SH3BGR: variants seen among roughly 807,000 people sequenced by gnomAD.
SH3BGR encodes the protein SH3 domain binding glutamate rich protein, also known as SH3 domain-binding glutamic acid-rich protein.
A neutral mutation model predicts 24.5 loss-of-function variants in SH3BGR; 29 were observed. The observed-to-expected ratio is 1.18, with a 90% CI of 0.88 to 1.61. The LOEUF is 1.61. Ranked by LOEUF, SH3BGR falls within the 40% of genes most tolerant of loss-of-function variation. SH3BGR has a pLI of 0.00. For missense variants in SH3BGR, 162 were observed against 205.8 expected (o/e 0.79, Z 1.30); for synonymous variants, 55 against 65.7 (o/e 0.84, Z 0.79).
intron 2 of SH3BGR, among the ~76,000 whole-genome samples, chr21:39,467,493 A>G (rs1264898161): frequency 6.6e-6 from 1 of 152,202 alleles, no homozygotes; most frequent in African/African-American, 2.4e-5. Flanking sequence ...CACACTTACA[A>G]AAGTATATTC....
At chr21:39,470,228 TA>T (rs2123360157) in intron 2 of SH3BGR, among the ~76,000 whole-genome samples, 1 of 152,234 alleles carries the variant, frequency 6.6e-6, no homozygotes, top group South Asian at 2.1e-4. Flanking sequence ...TTAAATTAGT[TA>T]AAGATAATCA....
At chr21:39,471,742 A>G (rs1363212397) in intron 2 of SH3BGR, among the ~76,000 whole-genome samples, 1 of 152,128 alleles carries the variant, frequency 6.6e-6, no homozygotes, top group Admixed American at 6.6e-5. Context: ...GATTATAGGC[A>G]TGAGCCACCA....
rs538506872 is a variant in SH3BGR, at chr21:39,492,211, G to A, written c.313-7612G>A. On this transcript the variant is annotated intron_variant, in intron 3 of 6. Coordinates refer to ENST00000333634, the MANE Select transcript of SH3BGR (RefSeq NM_007341.3). The stretch of plus-strand genomic sequence containing the variant: ...CAGTGTACACTGCACCCTATTTGTC[G>A]TCTTTTATCCTTCACCCCCTTCCCA... Among the ~76,000 whole-genome samples the A allele has an allele frequency of 2.7e-4, 41 of 152,054 alleles. No homozygotes were observed. The South Asian group carries it at 4.6e-3, about 17-fold the overall frequency.
At chr21:39,509,417 G>A (rs1299717307) in intron 5 of SH3BGR, among the ~76,000 whole-genome samples, 1 of 151,556 alleles carries the variant, frequency 6.6e-6, no homozygotes, top group Admixed American at 6.6e-5. Flanking sequence ...CATTGAGGGA[G>A]GGATTCCACC....
chr21:39,490,169 G>A (rs1003604499), intron 3 of SH3BGR, among the ~76,000 whole-genome samples: 3 of 152,216 alleles, frequency 2.0e-5, no homozygotes, highest in Non-Finnish European at 2.9e-5. Context: ...TAGTGAGATA[G>A]AGAAGCATTT....
chr21:39,448,339 T>TA (rs2077534728), upstream of SH3BGR, among the ~76,000 whole-genome samples: 1 of 150,904 alleles, frequency 6.6e-6, no homozygotes, highest in Admixed American at 6.6e-5. Flanking sequence ...AGACGTGTCT[T>TA]TATTTGTCAT....
intron 4 of SH3BGR, 144 bp downstream of exon 4, chr21:39,500,059 T>C (rs1248076985): frequency 1.6e-6 from 1 of 634,230 alleles, no homozygotes; most frequent in East Asian, 2.8e-5. Flanking sequence ...AAGCAAGTAA[T>C]TTCTACTGAT....
At chr21:39,455,994 G>A (rs377286161) in intron 1 of SH3BGR, among the ~76,000 whole-genome samples, 1 of 152,168 alleles carries the variant, frequency 6.6e-6, no homozygotes. Flanking sequence ...AAGCTTAATC[G>A]CAAGCATGGT....
intron 2 of SH3BGR, among the ~76,000 whole-genome samples, chr21:39,474,168 A>G (rs1014044894): frequency 5.3e-5 from 8 of 152,044 alleles, no homozygotes; most frequent in African/African-American, 1.2e-4. Flanking sequence ...GGGTCTCACC[A>G]TGTTGCCCAG....
chr21:39,485,153 A>G (rs919085472), intron 3 of SH3BGR, among the ~76,000 whole-genome samples: 4 of 152,242 alleles, frequency 2.6e-5, no homozygotes, highest in African/African-American at 9.6e-5. Flanking sequence ...GCATGTGGTC[A>G]TATCTGATTA....
chr21:39,473,727 A>G (rs944863756), intron 2 of SH3BGR, among the ~76,000 whole-genome samples: 1 of 151,998 alleles, frequency 6.6e-6, no homozygotes, highest in Non-Finnish European at 1.5e-5. Context: ...TCTACTAAAA[A>G]TACAAAAATT....
At chr21:39,488,708 C>T (rs972095044) in intron 3 of SH3BGR, 7 of 452,170 alleles carry the variant, frequency 1.5e-5, no homozygotes, top group Non-Finnish European at 4.5e-6. Flanking sequence ...GGGAAGATGA[C>T]AGAGGCAGAA....
At chr21:39,457,225 T>C (rs1183164956) in intron 1 of SH3BGR, among the ~76,000 whole-genome samples, 1 of 102,472 alleles carries the variant, frequency 9.8e-6, no homozygotes, top group South Asian at 3.8e-4. Context: ...AAAAATCATA[T>C]ATAGTTAAAT....
chr21:39,456,997 CTTAT>C (rs1180431681), intron 1 of SH3BGR, among the ~76,000 whole-genome samples: 7 of 149,620 alleles, frequency 4.7e-5, no homozygotes, highest in Admixed American at 2.7e-4. Context: ...GATTTGTATA[CTTAT>C]TTATATAAAA....
Position 39,511,714 on chromosome 21 carries a change from A to C in SH3BGR, c.470A>C (p.Glu157Ala), listed in dbSNP as rs370872288. Residue 157 changes from glutamate (E) to alanine (A), a missense_variant, in exon 6 of 7, where the codon GAA (glutamate) becomes GCA (alanine). Transcript: ENST00000333634. This position sits in a 1 kb window ranked among gnomAD's most constrained non-coding sequence, Gnocchi z 4.2. ...EEIAMEGAEG[E>A]AEEEEETAEG... ...ATAGCCATGGAGGGTGCGGAAGGGG[A>C]AGCCGAGGAGGAGGAAGAAACTGCA... The C allele has an allele frequency of 3.7e-5, 60 of 1,604,168 alleles. No individual in the cohort carries two copies. The African/African-American group carries it at 7.3e-4, about 20-fold the overall frequency.
chr21:39,456,874 A>G (rs1055002972), intron 1 of SH3BGR, among the ~76,000 whole-genome samples: 4 of 152,170 alleles, frequency 2.6e-5, no homozygotes, highest in African/African-American at 9.7e-5. Context: ...TGTGGCAAAC[A>G]GAGCCTTTAA....
chr21:39,490,637 T>C (rs534916225), intron 3 of SH3BGR, among the ~76,000 whole-genome samples: 58 of 152,244 alleles, frequency 3.8e-4, no homozygotes, highest in African/African-American at 1.3e-3. Flanking sequence ...CTTATGCTTA[T>C]GGTTTGCCTG....
At chr21:39,507,380 C>A (rs560901881) in intron 4 of SH3BGR, among the ~76,000 whole-genome samples, 2 of 152,212 alleles carry the variant, frequency 1.3e-5, no homozygotes, top group Admixed American at 1.3e-4. Flanking sequence ...GTTGCTCAGG[C>A]TGGAGTGCAG....
chr21:39,510,455 CTGT>C lies in SH3BGR; in HGVS notation c.436-1224_436-1222del, dbSNP rs1569178168. 4.3e-3 allele frequency among the ~76,000 whole-genome samples: 413 copies of C among 95,800 alleles called. 5 individuals carry two copies. Among genetic ancestry groups the C allele is most frequent in the African/African-American group, 0.016 (394 of 24,966 alleles). 62.8% of individuals were successfully genotyped at this position (95,800 alleles called of 152,430 possible). ...ACACACACACACACACACACACACA[CTGT>C]AGCTACACACACACACACACACCCC... On this transcript the variant is annotated intron_variant, in intron 5 of 6. Coordinates refer to ENST00000333634, the MANE Select transcript of SH3BGR (RefSeq NM_007341.3).
Sources: allele counts gnomAD v4.1 joint callset (sites outside exome capture counted in the v4.1 genomes callset), GRCh38; gene constraint gnomAD v4.1.1; non-coding constraint Gnocchi (gnomAD v3.1); transcripts MANE v1.5; gene names NCBI Gene and HGNC (gene_info 2026-07-23, HGNC 2026-07-21).